Variants in OTULINL observed in about 807,000 individuals in gnomAD.
OTULINL encodes OTU deubiquitinase with linear linkage specificity like.
In OTULINL, 42 loss-of-function variants were observed where a neutral mutation model predicts 43.9. The observed-to-expected ratio is 0.96, with a 90% CI of 0.75 to 1.24. OTULINL has a LOEUF of 1.24. Among genes scored for constraint, OTULINL ranks in the 50% most tolerant of loss-of-function variants. The pLI is 0.00. For missense variants in OTULINL, 411 were observed against 426.4 expected, an observed-to-expected ratio of 0.96 and a Z score of 0.32; for synonymous variants, 172 against 153.6, an observed-to-expected ratio of 1.12 and a Z score of -0.88.
chr5:14,606,017 T>C lies in OTULINL; in HGVS notation c.499-1313T>C, dbSNP rs187778412. ...GGGTATCTTTTCAGCAGCACCCCAGTCCTGGTACCAGTTTACTGTATTAGT... is the reference window on the plus strand; with the variant it reads ...GGGTATCTTTTCAGCAGCACCCCAGCCCTGGTACCAGTTTACTGTATTAGT... On this transcript the variant is annotated intron_variant, in intron 5 of 7. Transcript: ENST00000274217. Among the ~76,000 whole-genome samples, 458 of 152,338 alleles carry C rather than the reference T, an allele frequency of 3.0e-3. 1 individual carries two copies. Among genetic ancestry groups the C allele is most frequent in the Non-Finnish European group, 4.9e-3 (330 of 68,036 alleles).
intron 1 of OTULINL, among the ~76,000 whole-genome samples, chr5:14,584,717 C>T (rs1466529526): frequency 2.0e-5 from 3 of 152,300 alleles, no homozygotes; most frequent in South Asian, 4.1e-4. Flanking sequence ...GAAACCAAGT[C>T]ACACACAAAC....
intron 1 of OTULINL, among the ~76,000 whole-genome samples, chr5:14,588,738 G>A (rs749179792): frequency 2.0e-5 from 3 of 152,166 alleles, no homozygotes; most frequent in Non-Finnish European, 4.4e-5. Flanking sequence ...TGTCTCTTTT[G>A]GGTACAAGAT....
intron 5 of OTULINL, among the ~76,000 whole-genome samples, chr5:14,605,572 G>A (rs1397985104): frequency 1.3e-5 from 2 of 152,144 alleles, no homozygotes; most frequent in African/African-American, 4.8e-5. Context: ...ATAGCATTGT[G>A]AGGCTGCACA....
At position 14,598,881 on chromosome 5, in the gene OTULINL, G is replaced by T. The variant is rs533012581; in HGVS notation, c.65-2084G>T. ...TAGTCCATTTTTCTAAAAAACATTT[G>T]TACCTACAGTAAAAGAAAGTATGTA... On this transcript the variant is annotated intron_variant, in intron 1 of 7. Coordinates refer to ENST00000274217, the MANE Select transcript of OTULINL (RefSeq NM_019018.3). Among the ~76,000 whole-genome samples the T allele has an allele frequency of 3.3e-5, 5 of 152,276 alleles. No individual in the cohort carries two copies. In the South Asian group the frequency reaches 1.0e-3, roughly 32 times the overall value.
At chr5:14,595,406 G>T (rs1445227999) in intron 1 of OTULINL, among the ~76,000 whole-genome samples, 1 of 152,214 alleles carries the variant, frequency 6.6e-6, no homozygotes, top group Non-Finnish European at 1.5e-5. Context: ...ATGAGATAGA[G>T]AGACTGTGAT....
At chr5:14,607,488 T>G in intron 6 of OTULINL, 30 bp downstream of exon 6, 2 of 1,612,120 alleles carry the variant, frequency 1.2e-6, no homozygotes, top group East Asian at 2.2e-5. Context: ...ATAAAAAGAC[T>G]AGGAATAAAA....
intron 1 of OTULINL, 138 bp downstream of exon 1, chr5:14,582,096 C>G: frequency 1.6e-6 from 1 of 613,112 alleles, no homozygotes; most frequent in Non-Finnish European, 2.3e-6. Context: ...ATCCTGGAGC[C>G]CGGGAGCTGG....
intron 1 of OTULINL, among the ~76,000 whole-genome samples, chr5:14,593,039 T>G (rs941494461): frequency 6.6e-6 from 1 of 152,210 alleles, no homozygotes; most frequent in African/African-American, 2.4e-5. Flanking sequence ...AGTGGTGCTC[T>G]GTTCCCACTA....
At chr5:14,606,402 C>T (rs1000770546) in intron 5 of OTULINL, among the ~76,000 whole-genome samples, 11 of 152,126 alleles carry the variant, frequency 7.2e-5, no homozygotes, top group African/African-American at 2.4e-4. Flanking sequence ...TTAAGTGAGA[C>T]CTTGTCTTTA....
chr5:14,590,928 A>G (rs1453155128), intron 1 of OTULINL, among the ~76,000 whole-genome samples: 2 of 152,232 alleles, frequency 1.3e-5, no homozygotes, highest in African/African-American at 4.8e-5. Flanking sequence ...AGAGTTTTGC[A>G]TTGTAAAGAG....
intron 1 of OTULINL, among the ~76,000 whole-genome samples, chr5:14,597,465 T>C (rs1383325076): frequency 6.6e-6 from 1 of 152,224 alleles, no homozygotes; most frequent in Non-Finnish European, 1.5e-5. Flanking sequence ...TGTTAGACTC[T>C]AGAGACTTCT....
At chr5:14,589,414 G>A (rs1759160018) in intron 1 of OTULINL, among the ~76,000 whole-genome samples, 1 of 152,148 alleles carries the variant, frequency 6.6e-6, no homozygotes, top group Non-Finnish European at 1.5e-5. Context: ...AGCTCTAGGA[G>A]GAAGTGAAGG....
At position 14,600,997 on chromosome 5, in the gene OTULINL, A is replaced by G; in HGVS notation, c.97A>G (p.Thr33Ala). Residue 33 changes from threonine (T) to alanine (A), a missense_variant, in exon 2 of 8, where the codon ACA (threonine) becomes GCA (alanine). Thr to Ala is a moderately conservative substitution (Grantham distance 58). Coordinates refer to ENST00000274217, the MANE Select transcript of OTULINL (RefSeq NM_019018.3). The stretch of plus-strand genomic sequence containing the variant: ...CCAAGTTCACTCCTGGATGCTAGCT[A>G]CAAGCCAAGCCTTAGACACTGTCTG... ...SDQVHSWMLA[T>A]SQALDTVWRM... is the part of the protein sequence containing the mutation. 3 of 1,553,882 alleles carry G rather than the reference A, an allele frequency of 1.9e-6. No individual in the cohort carries two copies. Among genetic ancestry groups the G allele is most frequent in the East Asian group, 4.6e-5 (2 of 43,022 alleles).
At position 14,608,913 on chromosome 5, in the gene OTULINL, C is replaced by A. The variant is rs777068059; in HGVS notation, c.793C>A (p.Pro265Thr). 7 of 1,613,930 alleles carry A rather than the reference C, an allele frequency of 4.3e-6. No individual in the cohort carries two copies. The highest frequency in any genetic ancestry group is 5.9e-6 in the Non-Finnish European group (7 of 1,179,838). Reference sequence around the variant, plus strand: ...ACAAATGAAGACTAAAAAGGTCATTCCCAGTCTTTTTAGACTCCTGTTTTC... The same window carrying A: ...ACAAATGAAGACTAAAAAGGTCATTACCAGTCTTTTTAGACTCCTGTTTTC... ...YEQMKTKKVI[P>T]SLFRLLFSRE... The change falls in exon 7 of 8, where the codon CCC (proline) becomes ACC (threonine). Residue 265 changes from proline (P) to threonine (T), a missense_variant. Pro to Thr is a conservative substitution (Grantham distance 38). Transcript: ENST00000274217.
Position 14,614,955 on chromosome 5 carries a change from G to A in OTULINL, c.*4641G>A. The stretch of plus-strand genomic sequence containing the variant: ...CACTCACTTATTTGTAATGATTCTT[G>A]GGAAGTTTAGTCAAGAGAATATCCT... On this transcript the variant is annotated 3_prime_UTR_variant, in exon 8 of 8. Coordinates refer to ENST00000274217, the MANE Select transcript of OTULINL (RefSeq NM_019018.3). The A allele has an allele frequency of 2.5e-6, 1 of 393,954 alleles. No individual in the cohort carries two copies. Among genetic ancestry groups the A allele is most frequent in the Non-Finnish European group, 4.5e-6 (1 of 223,736 alleles). 24.4% of individuals were successfully genotyped at this position (393,954 alleles called of 1,614,324 possible).
intron 1 of OTULINL, among the ~76,000 whole-genome samples, chr5:14,592,559 G>T (rs528419281): frequency 6.6e-6 from 1 of 152,138 alleles, no homozygotes; most frequent in Admixed American, 6.5e-5. Context: ...TTGCCTTAGA[G>T]GTGTTAGTGG....
At chr5:14,607,018 CAGG>C (rs957711473) in intron 5 of OTULINL, among the ~76,000 whole-genome samples, 9 of 152,126 alleles carry the variant, frequency 5.9e-5, no homozygotes, top group African/African-American at 2.2e-4. Flanking sequence ...TGCTTGAGGT[CAGG>C]AGTTCGAGAC....
At position 14,601,073 on chromosome 5, in the gene OTULINL, C is replaced by T. The variant is rs141336994; in HGVS notation, c.173C>T (p.Ala58Val). Residue 58 changes from alanine to valine, a missense_variant, in exon 2 of 8, where the codon GCC (alanine) becomes GTC (valine). Transcript: ENST00000274217. ...VMLAVSFLVAAICYFRRLHLY... is the reference protein window; with the variant it reads ...VMLAVSFLVAVICYFRRLHLY... ...TTGGCAGTTTCATTTCTGGTGGCTGCCATCTGCTACTTCCGGAGGCTACAT... is the reference window on the plus strand; with the variant it reads ...TTGGCAGTTTCATTTCTGGTGGCTGTCATCTGCTACTTCCGGAGGCTACAT... 8.1e-4 allele frequency: 1,302 copies of T among 1,613,244 alleles called. No individual in the cohort carries two copies. The highest frequency in any genetic ancestry group is 9.5e-4 in the Non-Finnish European group (1,124 of 1,179,828).
At chr5:14,593,219 G>GA in intron 1 of OTULINL, among the ~76,000 whole-genome samples, 1 of 152,212 alleles carries the variant, frequency 6.6e-6, no homozygotes, top group East Asian at 1.9e-4. Context: ...AGGGAAAAAG[G>GA]AAATGGACTC....
Sources: allele counts gnomAD v4.1 joint callset (sites outside exome capture counted in the v4.1 genomes callset), GRCh38; gene constraint gnomAD v4.1.1; transcripts MANE v1.5; gene names NCBI Gene and HGNC (gene_info 2026-07-23, HGNC 2026-07-21).